EPB41: variants seen among roughly 807,000 people sequenced by gnomAD.
The protein encoded by EPB41 is erythrocyte membrane protein band 4.1.
A neutral mutation model predicts 108.0 loss-of-function variants in EPB41; 65 were observed. That is an observed-to-expected ratio of 0.60 (90% CI 0.49 to 0.74). The LOEUF (loss-of-function observed/expected upper bound fraction) is 0.74, where lower values mean the gene tolerates loss of function less well. Among genes scored for constraint, EPB41 ranks in the 30% least tolerant of loss-of-function variants. The pLI is 0.00. For missense variants in EPB41, 875 were observed against 1,037.0 expected (o/e 0.84, Z 2.15); for synonymous variants, 336 against 358.9 (o/e 0.94, Z 0.72).
At chr1:29,098,903 T>C (rs2151504737) in intron 17 of EPB41, among the ~76,000 whole-genome samples, 1 of 151,522 alleles carries the variant, frequency 6.6e-6, no homozygotes, top group Non-Finnish European at 1.5e-5. Flanking sequence ...TTTTTGTATT[T>C]TTCGTAGAGT....
At chr1:28,971,180 CTTTTTTTT>C (rs1000130058) in intron 1 of EPB41, among the ~76,000 whole-genome samples, 13 of 66,332 alleles carry the variant, frequency 2.0e-4, no homozygotes, top group African/African-American at 7.8e-4. Context: ...TTCTTTCTTT[CTTTTTTTT>C]TTTTTTTTTT....
At position 28,987,618 on chromosome 1, in the gene EPB41, C is replaced by G; in HGVS notation, c.181C>G (p.Pro61Ala). 2 of 1,614,198 alleles carry G rather than the reference C, an allele frequency of 1.2e-6. No individual in the cohort carries two copies. Among genetic ancestry groups the G allele is most frequent in the Non-Finnish European group, 1.7e-6 (2 of 1,180,048 alleles). Residue 61 changes from proline to alanine, a missense_variant, in exon 2 of 21, where the codon CCT becomes GCT. Around this residue, in one of 3 missense-constraint regions of EPB41, gnomAD observed 353 missense variants for 393.2 expected, o/e 0.90. Coordinates refer to ENST00000343067, the MANE Select transcript of EPB41 (RefSeq NM_001376013.1). ...QKLKASNGDT[P>A]THEDLTKNKE... is the part of the protein sequence containing the mutation. ...GCTGAAAGCTTCTAATGGAGACACTCCTACACATGAAGACTTGACCAAGAA... is the reference window on the plus strand; with the variant it reads ...GCTGAAAGCTTCTAATGGAGACACTGCTACACATGAAGACTTGACCAAGAA...
chr1:29,010,821 A>T (rs1469586687), intron 4 of EPB41, among the ~76,000 whole-genome samples: 3 of 152,222 alleles, frequency 2.0e-5, no homozygotes, highest in African/African-American at 7.2e-5. Flanking sequence ...GTGCTGATAT[A>T]GAAAACTTTG....
intron 1 of EPB41, among the ~76,000 whole-genome samples, chr1:28,939,074 A>T (rs1031820629): frequency 7.9e-5 from 12 of 152,246 alleles, no homozygotes; most frequent in Admixed American, 7.8e-4. Context: ...CATTAGGATA[A>T]AAACCTTCAG....
intron 18 of EPB41, among the ~76,000 whole-genome samples, chr1:29,111,497 GA>G: frequency 6.6e-6 from 1 of 151,228 alleles, no homozygotes; most frequent in South Asian, 2.1e-4. Flanking sequence ...ACTAAAAATA[GA>G]AAAAATTAGC....
At chr1:29,106,328 T>C (rs894840480) in intron 17 of EPB41, among the ~76,000 whole-genome samples, 10 of 152,212 alleles carry the variant, frequency 6.6e-5, no homozygotes, top group African/African-American at 2.4e-4. Context: ...TTAGCCCTTC[T>C]GGCATGCAAA....
chr1:29,082,202 G>A (rs1490475392), intron 16 of EPB41, among the ~76,000 whole-genome samples: 1 of 151,846 alleles, frequency 6.6e-6, no homozygotes, highest in Non-Finnish European at 1.5e-5. Context: ...TCGGCTCACT[G>A]CAACCTCCGC....
intron 16 of EPB41, among the ~76,000 whole-genome samples, chr1:29,076,864 A>G (rs888573261): frequency 6.6e-6 from 1 of 152,156 alleles, no homozygotes; most frequent in African/African-American, 2.4e-5. Context: ...CCATGATCAC[A>G]CAACTTCTCT....
intron 1 of EPB41, among the ~76,000 whole-genome samples, chr1:28,939,259 T>C (rs2094177118): frequency 6.6e-6 from 1 of 152,126 alleles, no homozygotes. Flanking sequence ...GATGATCATG[T>C]GGATTTTGTC....
At chr1:29,040,277 T>C (rs1427403080) in intron 11 of EPB41, among the ~76,000 whole-genome samples, 1 of 152,068 alleles carries the variant, frequency 6.6e-6, no homozygotes, top group Non-Finnish European at 1.5e-5. Flanking sequence ...CTTTTTTTTT[T>C]TCTTAATTTT....
intron 1 of EPB41, among the ~76,000 whole-genome samples, chr1:28,935,766 A>C (rs1467105658): frequency 6.6e-6 from 1 of 151,840 alleles, no homozygotes; most frequent in African/African-American, 2.4e-5. Context: ...TAAAAATACA[A>C]AAATTAGCTG....
chr1:28,988,704 AC>A (rs2095932193), intron 2 of EPB41, among the ~76,000 whole-genome samples: 1 of 152,106 alleles, frequency 6.6e-6, no homozygotes, highest in Non-Finnish European at 1.5e-5. Flanking sequence ...TTGGAAACTT[AC>A]TTTTTAAACA....
At chr1:28,979,907 GGAAT>G (rs2095696327) in intron 1 of EPB41, among the ~76,000 whole-genome samples, 1 of 152,114 alleles carries the variant, frequency 6.6e-6, no homozygotes. Context: ...TGACAGATTT[GGAAT>G]GAGGTGCAAT....
chr1:28,998,221 G>T (rs898582807), intron 4 of EPB41, among the ~76,000 whole-genome samples: 3 of 152,190 alleles, frequency 2.0e-5, no homozygotes, highest in Non-Finnish European at 4.4e-5. Flanking sequence ...AGACCTGAAG[G>T]ATAAAATGAG....
chr1:29,040,496 G>C (rs1456164895), intron 11 of EPB41, among the ~76,000 whole-genome samples: 1 of 151,986 alleles, frequency 6.6e-6, no homozygotes. Flanking sequence ...CGCCAGGCTG[G>C]TCTCAAACTC....
At chr1:28,925,010 G>A (rs930842835) in intron 1 of EPB41, among the ~76,000 whole-genome samples, 2 of 149,728 alleles carry the variant, frequency 1.3e-5, no homozygotes, top group African/African-American at 4.9e-5. Context: ...CTGTCACCCA[G>A]GCTGGAGTGC....
chr1:29,010,230 T>G (rs1231491929), intron 4 of EPB41, among the ~76,000 whole-genome samples: 2 of 151,984 alleles, frequency 1.3e-5, no homozygotes, highest in Non-Finnish European at 2.9e-5. Context: ...TCCCAGCTAC[T>G]CGGGAGGCTG....
chr1:28,957,683 A>G (rs990986273), intron 1 of EPB41, among the ~76,000 whole-genome samples: 1 of 152,064 alleles, frequency 6.6e-6, no homozygotes, highest in African/African-American at 2.4e-5. Context: ...AGGATTACAG[A>G]TGTGAGCCAC....
At chr1:28,953,705 A>G (rs1178664125) in intron 1 of EPB41, among the ~76,000 whole-genome samples, 1 of 152,236 alleles carries the variant, frequency 6.6e-6, no homozygotes, top group East Asian at 1.9e-4. Context: ...AACTTTTTTT[A>G]GTGAGAAAAA....
Sources: gnomAD v4.1 joint callset for allele counts (sites outside exome capture counted in the v4.1 genomes callset) on GRCh38, gnomAD v4.1.1 for gene constraint, gnomAD v4.1.1 regional missense constraint, MANE v1.5 for transcripts, NCBI Gene and HGNC (gene_info 2026-07-23, HGNC 2026-07-21) for gene names.